SERPING1: variants seen among roughly 807,000 people sequenced by gnomAD.
SERPING1 encodes the protein plasma protease C1 inhibitor.
SERPING1 carries 5 observed loss-of-function variants against 34.1 expected under a neutral mutation model. That is an observed-to-expected ratio of 0.15 (90% confidence interval 0.08 to 0.31). The LOEUF is 0.31. SERPING1 is among the 10% of genes least tolerant of loss of function. The pLI is 1.00. For synonymous variants in SERPING1, 225 were observed against 242.4 expected, an observed-to-expected ratio of 0.93 and a Z score of 0.67; for missense variants, 505 against 609.5, an observed-to-expected ratio of 0.83 and a Z score of 1.81.
chr11:57,598,173 G>C, intron 1 of SERPING1, 76 bp from the exon 2 acceptor site: 1 of 1,157,360 alleles, frequency 8.6e-7, no homozygotes, highest in Non-Finnish European at 1.2e-6. Context: ...GACGGAATGG[G>C]GGCGGGCCCC....
chr11:57,598,193 G>C (rs1417395471), intron 1 of SERPING1, 56 bp from the exon 2 acceptor site: 6 of 1,410,932 alleles, frequency 4.3e-6, no homozygotes, highest in East Asian at 2.5e-5. Flanking sequence ...CGGGCGGGGT[G>C]GGGGCCCCTG....
At chr11:57,598,170 TG>T in intron 1 of SERPING1, 78 bp from the exon 2 acceptor site, 1 of 1,094,734 alleles carries the variant, frequency 9.1e-7, no homozygotes, top group Non-Finnish European at 1.3e-6. Context: ...TGAGACGGAA[TG>T]GGGGCGGGCC....
intron 4 of SERPING1, among the ~76,000 whole-genome samples, chr11:57,602,745 A>C (rs1390135186): frequency 1.4e-5 from 2 of 145,596 alleles, no homozygotes; most frequent in African/African-American, 2.6e-5. Context: ...ACAGAGCAAG[A>C]CTCCGTCTCA....
chr11:57,602,628 A>T (rs1945362221), intron 4 of SERPING1, among the ~76,000 whole-genome samples: 1 of 151,492 alleles, frequency 6.6e-6, no homozygotes, highest in Admixed American at 6.6e-5. Flanking sequence ...GGTGGCGGGC[A>T]CCTGTAATCC....
intron 2 of SERPING1, among the ~76,000 whole-genome samples, chr11:57,599,528 A>G (rs1485654000): frequency 2.0e-5 from 3 of 152,246 alleles, no homozygotes; most frequent in Non-Finnish European, 4.4e-5. Context: ...AAACAGGTAG[A>G]TATTTACAGG....
At chr11:57,613,277 A>T (rs914333142) in intron 7 of SERPING1, among the ~76,000 whole-genome samples, 1 of 152,132 alleles carries the variant, frequency 6.6e-6, no homozygotes, top group Non-Finnish European at 1.5e-5. Context: ...AATTGAATCC[A>T]ATTCTAACAC....
chr11:57,605,924 T>C, intron 4 of SERPING1, 86 bp from the exon 5 acceptor site: 1 of 1,241,216 alleles, frequency 8.1e-7, no homozygotes, highest in South Asian at 1.2e-5. Flanking sequence ...GATAGAACCA[T>C]AGAAAGCATG....
At chr11:57,612,149 A>T (rs1301194542) in intron 7 of SERPING1, among the ~76,000 whole-genome samples, 1 of 152,214 alleles carries the variant, frequency 6.6e-6, no homozygotes. Context: ...CAGAGATTCC[A>T]TGATTTACCC....
intron 3 of SERPING1, 147 bp from the exon 4 acceptor site, chr11:57,601,888 T>C (rs564545712): frequency 2.9e-6 from 2 of 694,134 alleles, no homozygotes; most frequent in South Asian, 3.6e-5. Flanking sequence ...AAAAGAGAGA[T>C]TGAGAGAACA....
intron 4 of SERPING1, among the ~76,000 whole-genome samples, chr11:57,603,644 C>G (rs980839170): frequency 6.7e-6 from 1 of 150,002 alleles, no homozygotes; most frequent in African/African-American, 2.5e-5. Context: ...CAAGACCATC[C>G]TGGCTAACAA....
intron 4 of SERPING1, 68 bp downstream of exon 4, chr11:57,602,237 C>A: frequency 6.4e-7 from 1 of 1,573,392 alleles, no homozygotes; most frequent in South Asian, 1.1e-5. Flanking sequence ...GGGGACCCAG[C>A]GCTGGGGAAA....
At position 57,598,336 on chromosome 11, in the gene SERPING1, G is replaced by T. The variant is rs1457243684; in HGVS notation, c.51+15G>T. 3 of 1,555,902 alleles carry T rather than the reference G, an allele frequency of 1.9e-6. No homozygotes were observed. The highest frequency in any genetic ancestry group is 1.4e-5 in the African/African-American group (1 of 73,948). On this transcript the variant is annotated intron_variant, in intron 2 of 7. Coordinates refer to ENST00000278407, the MANE Select transcript of SERPING1 (RefSeq NM_000062.3). ...TGCTGGCTGGGGTATGTGGTCCCTTGTGGGATGGGGGACGGGGGTGGAGAC... is the reference window on the plus strand; with the variant it reads ...TGCTGGCTGGGGTATGTGGTCCCTTTTGGGATGGGGGACGGGGGTGGAGAC...
At chr11:57,614,276 C>A in intron 7 of SERPING1, 52 bp from the exon 8 acceptor site, 1 of 1,606,910 alleles carries the variant, frequency 6.2e-7, no homozygotes, top group Non-Finnish European at 8.5e-7. Flanking sequence ...TCTCCATCAG[C>A]TGAGGGTATC....
chr11:57,611,745 TGA>T lies in SERPING1; in HGVS notation c.1060_1061del (p.Ser354PhefsTer14). ...GGGCAGCTGCAGCTCTCCCACAATC[TGA>T]GTTTGGTGATCCTGGTACCCCAGAA... On this transcript the variant is annotated frameshift_variant, in exon 7 of 8. Transcript: ENST00000278407. LOFTEE classifies it high-confidence loss of function. 1 of 1,614,226 alleles carries T rather than the reference TGA, an allele frequency of 6.2e-7. No individual in the cohort carries two copies. The highest frequency in any genetic ancestry group is 8.5e-7 in the Non-Finnish European group (1 of 1,180,030).
At chr11:57,605,762 C>T (rs1945401653) in intron 4 of SERPING1, 2 of 570,398 alleles carry the variant, frequency 3.5e-6, no homozygotes, top group Admixed American at 3.0e-5. Flanking sequence ...TCTTGCCGAG[C>T]CATAGTCACA....
At chr11:57,598,089 A>G (rs1024704974) in intron 1 of SERPING1, 160 bp from the exon 2 acceptor site, 1 of 594,030 alleles carries the variant, frequency 1.7e-6, no homozygotes, top group Non-Finnish European at 3.0e-6. Context: ...AAAACAAAAC[A>G]GAGGGAGGAG....
chr11:57,602,514 T>G (rs1590824192), intron 4 of SERPING1, among the ~76,000 whole-genome samples: 1 of 151,766 alleles, frequency 6.6e-6, no homozygotes, highest in African/African-American at 2.4e-5. Context: ...CCCAGCACTT[T>G]GGGAGGCCGA....
At chr11:57,601,675 C>A (rs991053828) in intron 3 of SERPING1, among the ~76,000 whole-genome samples, 3 of 151,746 alleles carry the variant, frequency 2.0e-5, no homozygotes, top group African/African-American at 7.3e-5. Flanking sequence ...CCAGCCTGGC[C>A]AACATGTTGA....
chr11:57,611,996 A>C (rs1945483111), intron 7 of SERPING1, 60 bp downstream of exon 7: 1 of 1,355,334 alleles, frequency 7.4e-7, no homozygotes. Context: ...GGGGATCCCT[A>C]AGATGTAGTT....
Sources: allele counts gnomAD v4.1 joint callset (sites outside exome capture counted in the v4.1 genomes callset), GRCh38; gene constraint gnomAD v4.1.1; transcripts MANE v1.5; gene names NCBI Gene and HGNC (gene_info 2026-07-23, HGNC 2026-07-21).